KLHL29: variants seen among roughly 807,000 people sequenced by gnomAD.
KLHL29 encodes kelch like family member 29.
In KLHL29, 21 loss-of-function variants were observed where a neutral mutation model predicts 80.4. That is an observed-to-expected ratio of 0.26 (90% CI 0.19 to 0.38). KLHL29 has a LOEUF of 0.38. KLHL29 is among the 10% of genes least tolerant of loss of function. The pLI, the probability that KLHL29 is intolerant of heterozygous loss-of-function variation, is 1.00. For synonymous variants in KLHL29, 511 were observed against 526.8 expected, an observed-to-expected ratio of 0.97 and a Z score of 0.41; for missense variants, 867 against 1,223.9, an observed-to-expected ratio of 0.71 and a Z score of 4.35.
In KLHL29 at chr2:23,696,308, TCTCTGCCTCCCA is replaced by T; in HGVS notation, c.1925-23_1925-12del. On this transcript the variant is annotated splice_polypyrimidine_tract_variant and intron_variant, in intron 10 of 13. Transcript: ENST00000486442. The surrounding 1 kb of genome is among the most constrained non-coding windows in gnomAD (Gnocchi z 5.5). ...AGGCCCCTCCTCACCCCGCCCGCTC[TCTCTGCCTCCCA>T]CACTGCCTCCAGGTGGGATGGAATC... The T allele has an allele frequency of 6.5e-7, 1 of 1,550,372 alleles. No homozygotes were observed. The highest frequency in any genetic ancestry group is 1.2e-5 in the South Asian group (1 of 84,006).
chr2:23,653,191 A>G (rs1670134070), intron 5 of KLHL29, among the ~76,000 whole-genome samples: 1 of 152,166 alleles, frequency 6.6e-6, no homozygotes, highest in South Asian at 2.1e-4. Flanking sequence ...CAGCCAGGAA[A>G]ACCTCACTTT....
At chr2:23,661,705 A>G (rs1323990514) in intron 5 of KLHL29, among the ~76,000 whole-genome samples, 1 of 152,192 alleles carries the variant, frequency 6.6e-6, no homozygotes, top group East Asian at 1.9e-4. Context: ...CCCATGAGCA[A>G]CCCCCAGGCC....
In KLHL29 at chr2:23,642,832, G is replaced by A. The variant is rs759663487; in HGVS notation, c.922G>A (p.Asp308Asn). The change falls in exon 5 of 14, where the codon GAC becomes AAC. Residue 308 changes from aspartate (D) to asparagine (N), a missense_variant. Around this residue, in one of 2 missense-constraint regions of KLHL29, gnomAD observed 424 missense variants for 456.9 expected, o/e 0.93. Coordinates refer to ENST00000486442, the MANE Select transcript of KLHL29 (RefSeq NM_052920.2). ...TIGVGKYEFT[D>N]PGHPREMLKE... ...TGGCGTGGGGAAGTATGAGTTCACC[G>A]ACCCGGGGCACCCCAGAGGTAAGTC... The A allele has an allele frequency of 2.4e-5, 37 of 1,550,260 alleles. No individual in the cohort carries two copies. The highest frequency in any genetic ancestry group is 3.1e-5 in the Non-Finnish European group (35 of 1,146,864).
chr2:23,613,763 C>CAAAAAA lies in KLHL29; in HGVS notation c.286-25354_286-25349dup, dbSNP rs1157736706. Among the ~76,000 whole-genome samples the CAAAAAA allele has an allele frequency of 1.7e-4, 11 of 63,718 alleles. 2 individuals are homozygous for CAAAAAA. The highest frequency in any genetic ancestry group is 2.1e-4 in the Non-Finnish European group (8 of 37,666). The allele number at this position is 63,718 out of a possible 152,430, so 41.8% of individuals were successfully genotyped here. ...TGGGCGGCAGGGCAAGACTCCATCT[C>CAAAAAA]AAAAAAAAAAAAAAAAAAAAAAAAA... On this transcript the variant is annotated intron_variant, in intron 3 of 13. Transcript: ENST00000486442.
At chr2:23,505,970 G>C (rs148252931) in intron 2 of KLHL29, among the ~76,000 whole-genome samples, 16 of 152,272 alleles carry the variant, frequency 1.1e-4, no homozygotes, top group African/African-American at 3.4e-4. Flanking sequence ...TCCCAGCCAG[G>C]CTAATTAGGT....
At chr2:23,587,492 G>T (rs1031442159) in intron 3 of KLHL29, among the ~76,000 whole-genome samples, 8 of 152,086 alleles carry the variant, frequency 5.3e-5, no homozygotes, top group African/African-American at 1.9e-4. Context: ...CCTCCCCCGG[G>T]CTACCCGAGT....
At chr2:23,620,936 C>G (rs1669164470) in intron 3 of KLHL29, among the ~76,000 whole-genome samples, 1 of 152,236 alleles carries the variant, frequency 6.6e-6, no homozygotes, top group South Asian at 2.1e-4. Context: ...TGCATTCTAC[C>G]CACGGGGATG....
chr2:23,696,307 C>T lies in KLHL29; in HGVS notation c.1925-26C>T. On this transcript the variant is annotated intron_variant, in intron 10 of 13. Transcript: ENST00000486442. This position sits in a 1 kb window ranked among gnomAD's most constrained non-coding sequence, Gnocchi z 5.5. ...CAGGCCCCTCCTCACCCCGCCCGCT[C>T]TCTCTGCCTCCCACACTGCCTCCAG... is the stretch of plus-strand genomic sequence containing the variant. The T allele has an allele frequency of 6.5e-7, 1 of 1,550,228 alleles. No homozygotes were observed. The highest frequency in any genetic ancestry group is 8.7e-7 in the Non-Finnish European group (1 of 1,146,120).
At chr2:23,674,902 TTGGCCCTCACC>T (rs1168886057) in intron 5 of KLHL29, among the ~76,000 whole-genome samples, 1 of 152,062 alleles carries the variant, frequency 6.6e-6, no homozygotes, top group East Asian at 1.9e-4. Context: ...CCCATCTGCC[TTGGCCCTCACC>T]TGGCCCTCCC....
At chr2:23,497,804 G>A (rs1411691005) in intron 2 of KLHL29, among the ~76,000 whole-genome samples, 3 of 152,150 alleles carry the variant, frequency 2.0e-5, no homozygotes, top group Non-Finnish European at 2.9e-5. Flanking sequence ...TGGAGGTGTC[G>A]AGTGGGCCTC....
intron 3 of KLHL29, among the ~76,000 whole-genome samples, chr2:23,579,340 A>G (rs1383587096): frequency 1.3e-5 from 2 of 152,206 alleles, no homozygotes; most frequent in Non-Finnish European, 2.9e-5. Context: ...TCTAACTCCC[A>G]GTTCTTTTCC....
chr2:23,589,866 C>T (rs1668212680), intron 3 of KLHL29, among the ~76,000 whole-genome samples: 1 of 152,232 alleles, frequency 6.6e-6, no homozygotes, highest in Admixed American at 6.5e-5. Flanking sequence ...AAGCACAGGG[C>T]AGGTGAGGCT....
chr2:23,425,699 C>T (rs1662987639), intron 1 of KLHL29, among the ~76,000 whole-genome samples: 1 of 152,210 alleles, frequency 6.6e-6, no homozygotes, highest in South Asian at 2.1e-4. Context: ...GCTGCTTTGC[C>T]AGCTTGCCTT....
At chr2:23,538,921 T>C (rs1389610459) in intron 2 of KLHL29, among the ~76,000 whole-genome samples, 1 of 152,258 alleles carries the variant, frequency 6.6e-6, no homozygotes, top group African/African-American at 2.4e-5. Flanking sequence ...CCCTCCGGCT[T>C]TAATTCAGAA....
At position 23,596,168 on chromosome 2, in the gene KLHL29, G is replaced by A. The variant is rs996285263; in HGVS notation, c.285+33687G>A. 3.3e-5 allele frequency among the ~76,000 whole-genome samples: 5 copies of A among 152,216 alleles called. No homozygotes were observed. Among genetic ancestry groups the A allele is most frequent in the South Asian group, 2.1e-4 (1 of 4,828 alleles). ...GAGCACCCTCGGCAGCCAGCCGGACGGGCAGGCCGGGGGCGGGGCAGGGCA... is the reference window on the plus strand; with the variant it reads ...GAGCACCCTCGGCAGCCAGCCGGACAGGCAGGCCGGGGGCGGGGCAGGGCA... On this transcript the variant is annotated intron_variant, in intron 3 of 13. Transcript: ENST00000486442. This position sits in a 1 kb window ranked among gnomAD's most constrained non-coding sequence, Gnocchi z 4.4.
At chr2:23,427,328 ACT>A (rs1663030931) in intron 1 of KLHL29, among the ~76,000 whole-genome samples, 1 of 152,160 alleles carries the variant, frequency 6.6e-6, no homozygotes, top group Non-Finnish European at 1.5e-5. Flanking sequence ...GTCAAAAATC[ACT>A]CTTTTACTGA....
At chr2:23,566,471 C>T (rs185731796) in intron 3 of KLHL29, among the ~76,000 whole-genome samples, 2 of 152,234 alleles carry the variant, frequency 1.3e-5, no homozygotes, top group African/African-American at 4.8e-5. Flanking sequence ...ACCATGGTAA[C>T]CATGATTGCA....
intron 1 of KLHL29, among the ~76,000 whole-genome samples, chr2:23,386,458 C>T (rs1319212112): frequency 6.6e-6 from 1 of 152,240 alleles, no homozygotes. Context: ...CCCTTGACAC[C>T]TTGTGGGTGC....
chr2:23,461,076 A>T (rs71437489), intron 1 of KLHL29, among the ~76,000 whole-genome samples: 1 of 152,266 alleles, frequency 6.6e-6, no homozygotes, highest in Non-Finnish European at 1.5e-5. Context: ...ACAAAATCAA[A>T]CAATAATCAC....
Sources: allele counts gnomAD v4.1 joint callset (sites outside exome capture counted in the v4.1 genomes callset), GRCh38; gene constraint gnomAD v4.1.1; regional missense constraint gnomAD v4.1.1; non-coding constraint Gnocchi (gnomAD v3.1); transcripts MANE v1.5; gene names NCBI Gene and HGNC (gene_info 2026-07-23, HGNC 2026-07-21).